CUX1: variants seen among roughly 807,000 people sequenced by gnomAD.
CUX1 encodes the protein protein CASP.
CUX1 carries 31 observed loss-of-function variants against 158.8 expected under a neutral mutation model. The observed-to-expected ratio is 0.20, with a 90% CI of 0.15 to 0.26. CUX1 has a LOEUF of 0.26. Ranked by LOEUF, CUX1 falls within the 10% of genes least tolerant of loss-of-function variation. The pLI, the probability that CUX1 is intolerant of heterozygous loss-of-function variation, is 1.00. For synonymous variants in CUX1, 879 were observed against 862.1 expected (o/e 1.02, Z -0.34); for missense variants, 1,589 against 2,014.6 (o/e 0.79, Z 4.04).
intron 5 of CUX1, among the ~76,000 whole-genome samples, chr7:102,101,040 G>A (rs900927310): frequency 4.6e-5 from 7 of 152,104 alleles, no homozygotes; most frequent in Admixed American, 1.3e-4. Context: ...CATCCCAGAC[G>A]TCTTAACCAA....
chr7:101,909,160 G>A (rs71559437), intron 1 of CUX1, among the ~76,000 whole-genome samples: 12,879 of 150,178 alleles, frequency 0.086, 449 homozygotes, highest in Non-Finnish European at 0.12. Context: ...AGGTTTGGGA[G>A]GCCGAGGCGG....
chr7:102,223,942 C>T (rs1798091432), intron 20 of CUX1, among the ~76,000 whole-genome samples: 1 of 152,134 alleles, frequency 6.6e-6, no homozygotes, highest in Non-Finnish European at 1.5e-5. Context: ...CCAGCCTGGG[C>T]AACAGAGGGA....
chr7:102,107,455 G>A (rs1277119115), intron 6 of CUX1, among the ~76,000 whole-genome samples: 1 of 152,100 alleles, frequency 6.6e-6, no homozygotes, highest in Non-Finnish European at 1.5e-5. Flanking sequence ...CAGGAGAATT[G>A]CTTGAACCCA....
intron 9 of CUX1, among the ~76,000 whole-genome samples, chr7:102,160,482 C>T (rs1790312936): frequency 6.6e-6 from 1 of 152,144 alleles, no homozygotes; most frequent in South Asian, 2.1e-4. Flanking sequence ...GCCAAAGCCA[C>T]TCGGTGGACC....
chr7:102,219,771 T>C (rs1554526267), intron 20 of CUX1, among the ~76,000 whole-genome samples: 7 of 152,240 alleles, frequency 4.6e-5, no homozygotes, highest in Non-Finnish European at 1.0e-4. Flanking sequence ...AGTCGCTGCA[T>C]ATTTTGTTTC....
At chr7:102,011,829 A>AT (rs1005003129) in intron 2 of CUX1, among the ~76,000 whole-genome samples, 1 of 151,738 alleles carries the variant, frequency 6.6e-6, no homozygotes, top group Non-Finnish European at 1.5e-5. Context: ...ACTTGAATTT[A>AT]TTTTTTTATT....
intron 1 of CUX1, among the ~76,000 whole-genome samples, chr7:101,883,874 G>A (rs904216746): frequency 2.6e-5 from 4 of 152,056 alleles, no homozygotes; most frequent in Non-Finnish European, 1.5e-5. Context: ...GGGATTACAG[G>A]TGTGAGCCAC....
chr7:102,204,700 G>C, intron 19 of CUX1, 144 bp downstream of exon 19: 2 of 1,090,774 alleles, frequency 1.8e-6, no homozygotes, highest in East Asian at 5.1e-5. Context: ...GTGGGCTGGT[G>C]CTGGGGGACA....
At chr7:101,831,253 G>A (rs1382089004) in intron 1 of CUX1, among the ~76,000 whole-genome samples, 1 of 151,918 alleles carries the variant, frequency 6.6e-6, no homozygotes, top group Non-Finnish European at 1.5e-5. Context: ...GGGATTGAGT[G>A]ACCAGACAGT....
At chr7:101,832,196 G>A (rs1234589578) in intron 1 of CUX1, among the ~76,000 whole-genome samples, 3 of 152,182 alleles carry the variant, frequency 2.0e-5, no homozygotes, top group African/African-American at 2.4e-5. Context: ...CCAGTGAGAG[G>A]ATGCCAGGCT....
intron 2 of CUX1, among the ~76,000 whole-genome samples, chr7:101,989,001 AAAT>A (rs111725872): frequency 5.5e-5 from 8 of 146,632 alleles, no homozygotes; most frequent in Non-Finnish European, 8.9e-5. Context: ...CTCAAAAAAA[AAAT>A]AATAATAATA....
intron 5 of CUX1, among the ~76,000 whole-genome samples, chr7:102,099,238 G>A (rs1428506967): frequency 3.9e-5 from 6 of 152,108 alleles, no homozygotes; most frequent in African/African-American, 1.2e-4. Context: ...GCCAGACCCC[G>A]CTTCTTTCTG....
intron 4 of CUX1, among the ~76,000 whole-genome samples, chr7:102,093,559 C>T (rs1828873758): frequency 6.6e-6 from 1 of 152,162 alleles, no homozygotes; most frequent in Admixed American, 6.5e-5. Flanking sequence ...TTCTTTCCCT[C>T]CCTGGGTGAG....
At chr7:101,997,573 A>G (rs1404209960) in intron 2 of CUX1, among the ~76,000 whole-genome samples, 2 of 152,038 alleles carry the variant, frequency 1.3e-5, no homozygotes, top group African/African-American at 2.4e-5. Flanking sequence ...CAAACTTCTG[A>G]ACTCAAATGA....
In CUX1 at chr7:102,251,910, G is replaced by A. The variant is rs1554540241; in HGVS notation, c.*2868G>A. On this transcript the variant is annotated 3_prime_UTR_variant, in exon 24 of 24. Coordinates refer to ENST00000292535, the MANE Select transcript of CUX1 (RefSeq NM_181552.4). ...ATTTGTCCATTCTAGTGGCCAAACAGTAACAGTCTAAAATGCAGTCATTTT... is the reference window on the plus strand; with the variant it reads ...ATTTGTCCATTCTAGTGGCCAAACAATAACAGTCTAAAATGCAGTCATTTT... 3.0e-6 allele frequency: 3 copies of A among 985,252 alleles called. No individual in the cohort carries two copies. Among genetic ancestry groups the A allele is most frequent in the Non-Finnish European group, 3.6e-6 (3 of 829,906 alleles). 61.0% of individuals were successfully genotyped at this position (985,252 alleles called of 1,614,324 possible). A position where few individuals can be genotyped will look rare whatever the true frequency, so the allele number is the denominator to read the frequency against.
chr7:101,945,391 T>C (rs1808244884), intron 2 of CUX1, among the ~76,000 whole-genome samples: 1 of 152,248 alleles, frequency 6.6e-6, no homozygotes, highest in African/African-American at 2.4e-5. Flanking sequence ...AATACTTTTA[T>C]TTAAATTGCG....
chr7:102,092,532 A>G (rs1418133918), intron 4 of CUX1, among the ~76,000 whole-genome samples: 6 of 152,226 alleles, frequency 3.9e-5, no homozygotes, highest in Admixed American at 2.0e-4. Context: ...CAGTCAACCC[A>G]TCACAAGTGG....
chr7:102,049,566 G>A lies in CUX1; in HGVS notation c.190-20773G>A, dbSNP rs571040718. On this transcript the variant is annotated intron_variant, in intron 3 of 23. Transcript: ENST00000292535. ...AAGAAAAGAGAAACCAGTTGGATGCGGTGGCTCACACCTGTAATCCCAGGT... is the reference window on the plus strand; with the variant it reads ...AAGAAAAGAGAAACCAGTTGGATGCAGTGGCTCACACCTGTAATCCCAGGT... Among the ~76,000 whole-genome samples, 6 of 152,156 alleles carry A rather than the reference G, an allele frequency of 3.9e-5. No homozygotes were observed. In the East Asian group the frequency reaches 5.8e-4, roughly 15 times the overall value.
At chr7:102,034,603 A>C (rs796422040) in intron 3 of CUX1, among the ~76,000 whole-genome samples, 4 of 152,210 alleles carry the variant, frequency 2.6e-5, no homozygotes, top group African/African-American at 9.6e-5. Flanking sequence ...AAATACAAAA[A>C]TTAGCTGGAC....
Sources: allele counts gnomAD v4.1 joint callset (sites outside exome capture counted in the v4.1 genomes callset), GRCh38; gene constraint gnomAD v4.1.1; transcripts MANE v1.5; gene names NCBI Gene and HGNC (gene_info 2026-07-23, HGNC 2026-07-21).